The following STPG2 variants were observed in gnomAD, a reference collection of about 807,000 sequenced individuals.
The protein encoded by STPG2 is sperm-tail PG-rich repeat-containing protein 2.
In STPG2, 56 loss-of-function variants were observed where a neutral mutation model predicts 54.2. The observed-to-expected ratio is 1.03, with a 90% CI of 0.83 to 1.29. STPG2 has a LOEUF of 1.29. Among genes scored for constraint, STPG2 ranks in the 50% most tolerant of loss-of-function variants. STPG2 has a pLI of 0.00. For missense variants in STPG2, 596 were observed against 544.9 expected, an observed-to-expected ratio of 1.09 and a Z score of -0.93; for synonymous variants, 200 against 181.8, an observed-to-expected ratio of 1.10 and a Z score of -0.81.
intron 4 of STPG2, among the ~76,000 whole-genome samples, chr4:97,536,066 C>G (rs1731522320): frequency 6.6e-6 from 1 of 152,130 alleles, no homozygotes; most frequent in African/African-American, 2.4e-5. Context: ...GCTTTGAACT[C>G]CTAACTTCAA....
chr4:97,861,391 G>A (rs1482224017), intron 8 of STPG2, among the ~76,000 whole-genome samples: 2 of 152,090 alleles, frequency 1.3e-5, no homozygotes, highest in East Asian at 3.9e-4. Flanking sequence ...GCCACTGTTG[G>A]TGGGAATGTA....
chr4:97,985,961 C>T (rs1560623376), intron 5 of STPG2, among the ~76,000 whole-genome samples: 1 of 145,894 alleles, frequency 6.9e-6, no homozygotes, highest in East Asian at 2.0e-4. Flanking sequence ...CACACACACA[C>T]ACACACACAT....
chr4:98,113,487 T>C (rs1307184322), intron 3 of STPG2, among the ~76,000 whole-genome samples: 3 of 152,042 alleles, frequency 2.0e-5, no homozygotes, highest in African/African-American at 4.8e-5. Context: ...AATCCTTATT[T>C]CCTCTAGGAA....
chr4:97,552,952 T>C (rs1033057529), intron 4 of STPG2, among the ~76,000 whole-genome samples: 1 of 152,154 alleles, frequency 6.6e-6, no homozygotes, highest in African/African-American at 2.4e-5. Flanking sequence ...CAAACCAGAT[T>C]GGTAGTCTTA....
At chr4:97,887,032 G>A (rs560046851) in intron 8 of STPG2, among the ~76,000 whole-genome samples, 1 of 152,306 alleles carries the variant, frequency 6.6e-6, no homozygotes, top group Admixed American at 6.5e-5. Flanking sequence ...AGGAGCAGAA[G>A]TCACTAGGAT....
At chr4:97,989,657 A>G (rs1188149460) in intron 5 of STPG2, among the ~76,000 whole-genome samples, 1 of 152,166 alleles carries the variant, frequency 6.6e-6, no homozygotes, top group Non-Finnish European at 1.5e-5. Context: ...GAAGCACTTT[A>G]CAACTTCTCT....
intron 9 of STPG2, among the ~76,000 whole-genome samples, chr4:97,789,072 C>T (rs1726914968): frequency 6.6e-6 from 1 of 151,714 alleles, no homozygotes; most frequent in Non-Finnish European, 1.5e-5. Context: ...GGGAAAATCA[C>T]TGATTTTGAA....
chr4:97,678,312 A>G (rs1161299239), intron 10 of STPG2, among the ~76,000 whole-genome samples: 2 of 152,174 alleles, frequency 1.3e-5, no homozygotes, highest in African/African-American at 2.4e-5. Context: ...CTAACACAGA[A>G]GAGAAACTAA....
At chr4:97,520,090 G>A (rs1384523521) in intron 4 of STPG2, among the ~76,000 whole-genome samples, 2 of 152,050 alleles carry the variant, frequency 1.3e-5, no homozygotes, top group African/African-American at 4.8e-5. Context: ...ACCATAAGAA[G>A]AGTAAAGCTT....
intron 5 of STPG2, among the ~76,000 whole-genome samples, chr4:98,055,040 C>T (rs750221228): frequency 1.1e-4 from 16 of 152,008 alleles, no homozygotes; most frequent in African/African-American, 3.4e-4. Flanking sequence ...CTAGAAGCTA[C>T]GCTGAGGTAG....
At chr4:97,632,755 G>T (rs1344936491) in intron 10 of STPG2, among the ~76,000 whole-genome samples, 1 of 152,162 alleles carries the variant, frequency 6.6e-6, no homozygotes. Flanking sequence ...ACCAGGAAGG[G>T]AAGTGGAAAT....
chr4:97,838,521 TA>T (rs1728699771), intron 9 of STPG2, among the ~76,000 whole-genome samples: 1 of 151,186 alleles, frequency 6.6e-6, no homozygotes, highest in African/African-American at 2.4e-5. Context: ...TTTTTGGTTA[TA>T]TTGATCAAAA....
chr4:97,972,322 A>C lies in STPG2; in HGVS notation c.891T>G (p.Val297=). 1 of 1,608,498 alleles carries C rather than the reference A, an allele frequency of 6.2e-7. No individual in the cohort carries two copies. The highest frequency in any genetic ancestry group is 8.5e-7 in the Non-Finnish European group (1 of 1,177,396). ...CAGGGGTAGCACAAGCTTCTTTCTG[A>C]ACCGAGAAGAAAGTCCGAGGAACAG... The part of the protein sequence containing the change: ...GSSVPRTFFS[V]QKEACATPGP... The change falls in exon 7 of 11, where the codon GTT becomes GTG. Residue 297 remains valine (V), a synonymous_variant. Coordinates refer to ENST00000295268, the MANE Select transcript of STPG2 (RefSeq NM_174952.3).
chr4:97,599,033 C>G (rs1222069407), intron 10 of STPG2, among the ~76,000 whole-genome samples: 2 of 152,150 alleles, frequency 1.3e-5, no homozygotes, highest in Non-Finnish European at 2.9e-5. Context: ...GGTCTAATAT[C>G]CAGCATCTAT....
intron 9 of STPG2, among the ~76,000 whole-genome samples, chr4:97,778,285 G>A (rs376281002): frequency 2.0e-3 from 298 of 151,902 alleles, no homozygotes; most frequent in African/African-American, 6.8e-3. Flanking sequence ...CTGGCTCGGA[G>A]GGTCCCATGC....
At chr4:98,050,646 G>C (rs1489275309) in intron 5 of STPG2, among the ~76,000 whole-genome samples, 1 of 152,060 alleles carries the variant, frequency 6.6e-6, no homozygotes, top group East Asian at 1.9e-4. Flanking sequence ...CCTTGAACTA[G>C]ATCTGCTAAA....
At chr4:98,028,253 G>A (rs984558695) in intron 5 of STPG2, among the ~76,000 whole-genome samples, 15 of 152,252 alleles carry the variant, frequency 9.9e-5, no homozygotes, top group African/African-American at 1.2e-4. Context: ...GAAATTTCCC[G>A]CATCATCAAG....
chr4:97,449,418 A>T (rs1729310216), intron 4 of STPG2, among the ~76,000 whole-genome samples: 1 of 152,174 alleles, frequency 6.6e-6, no homozygotes, highest in Non-Finnish European at 1.5e-5. Flanking sequence ...TCACCATTCA[A>T]CATATCAATG....
At chr4:98,084,497 C>T (rs1738447874) in intron 5 of STPG2, among the ~76,000 whole-genome samples, 1 of 152,182 alleles carries the variant, frequency 6.6e-6, no homozygotes, top group South Asian at 2.1e-4. Flanking sequence ...TGTGGTACCA[C>T]ACAGTATGTA....
Sources: gnomAD v4.1 joint callset for allele counts (sites outside exome capture counted in the v4.1 genomes callset) on GRCh38, gnomAD v4.1.1 for gene constraint, MANE v1.5 for transcripts, NCBI Gene and HGNC (gene_info 2026-07-23, HGNC 2026-07-21) for gene names.